FNDC3B: variants seen among roughly 807,000 people sequenced by gnomAD.
FNDC3B encodes the protein fibronectin type III domain-containing protein 3B.
In FNDC3B, 12 loss-of-function variants were observed where a neutral mutation model predicts 151.5. That is an observed-to-expected ratio of 0.08 (90% CI 0.05 to 0.13). FNDC3B has a LOEUF of 0.13. Among genes scored for constraint, FNDC3B ranks in the 10% least tolerant of loss-of-function variants. FNDC3B has a pLI of 1.00. For synonymous variants in FNDC3B, 528 were observed against 549.0 expected (o/e 0.96, Z 0.54); for missense variants, 1,214 against 1,505.3 (o/e 0.81, Z 3.20).
intron 3 of FNDC3B, chr3:172,186,567 A>C (rs1225977519): frequency 3.2e-5 from 19 of 594,850 alleles, no homozygotes; most frequent in Non-Finnish European, 5.3e-5. Flanking sequence ...CCTGGTTTCT[A>C]GTGTCTTGGC....
intron 18 of FNDC3B, among the ~76,000 whole-genome samples, chr3:172,343,646 A>T (rs994102375): frequency 6.6e-6 from 1 of 152,200 alleles, no homozygotes; most frequent in Non-Finnish European, 1.5e-5. Context: ...TACAAGTACA[A>T]ATGTACAGAA....
intron 25 of FNDC3B, among the ~76,000 whole-genome samples, chr3:172,384,230 A>G (rs150075588): frequency 1.4e-3 from 216 of 152,368 alleles, no homozygotes; most frequent in African/African-American, 5.0e-3. Flanking sequence ...TATCCTAAAT[A>G]TGACATCTAC....
At chr3:172,181,798 C>T (rs990245911) in intron 3 of FNDC3B, among the ~76,000 whole-genome samples, 2 of 133,082 alleles carry the variant, frequency 1.5e-5, no homozygotes, top group East Asian at 4.3e-4. Flanking sequence ...CACTGCACTC[C>T]AGCCTGGTGA....
At chr3:172,377,269 C>A (rs939592916) in intron 23 of FNDC3B, among the ~76,000 whole-genome samples, 3 of 152,162 alleles carry the variant, frequency 2.0e-5, no homozygotes, top group Non-Finnish European at 2.9e-5. Flanking sequence ...TGTCTAGGAA[C>A]AAGGCGTTGT....
Position 172,362,830 on chromosome 3 carries a change from A to G in FNDC3B, c.2993A>G (p.Glu998Gly). Residue 998 changes from glutamate (E) to glycine (G), a missense_variant, in exon 23 of 26, where the codon GAG becomes GGG. Glu to Gly is a moderately conservative substitution (Grantham distance 98). Around this residue, in one of 7 missense-constraint regions of FNDC3B, gnomAD observed 284 missense variants for 392.4 expected, o/e 0.72. Coordinates refer to ENST00000415807, the MANE Select transcript of FNDC3B (RefSeq NM_022763.4). ...GACATTGTGTACACACTACAGCTGG[A>G]GGACAGAAACAAGAGGTGAGGTGGG... is the stretch of plus-strand genomic sequence containing the variant. The part of the protein sequence containing the change: ...AEDIVYTLQL[E>G]DRNKRFISIY... 1 of 1,613,454 alleles carries G rather than the reference A, an allele frequency of 6.2e-7. No individual in the cohort carries two copies. The highest frequency in any genetic ancestry group is 1.3e-5 in the African/African-American group (1 of 75,026).
chr3:172,368,142 C>T (rs1383651838), intron 23 of FNDC3B, among the ~76,000 whole-genome samples: 1 of 152,176 alleles, frequency 6.6e-6, no homozygotes, highest in African/African-American at 2.4e-5. Flanking sequence ...CATGGAGGCA[C>T]ACACTAGGTC....
intron 6 of FNDC3B, among the ~76,000 whole-genome samples, chr3:172,261,468 T>C (rs532468342): frequency 4.6e-5 from 7 of 152,352 alleles, no homozygotes; most frequent in African/African-American, 1.7e-4. Context: ...TTATAGTCTA[T>C]ACTACAAATA....
intron 1 of FNDC3B, among the ~76,000 whole-genome samples, chr3:172,084,528 A>G (rs1299250465): frequency 2.1e-5 from 3 of 145,198 alleles, no homozygotes; most frequent in Non-Finnish European, 4.5e-5. Context: ...GGAAAGATTT[A>G]TGAGGCAGTA....
intron 23 of FNDC3B, among the ~76,000 whole-genome samples, chr3:172,367,920 G>T (rs143760470): frequency 0.024 from 3,671 of 152,262 alleles, 64 homozygotes; most frequent in Non-Finnish European, 0.037. Context: ...CAGCCCTTGT[G>T]CCCGGGACAC....
Position 172,381,427 on chromosome 3 carries a change from A to G in FNDC3B, c.3303+334A>G, listed in dbSNP as rs1457945536. Among the ~76,000 whole-genome samples, 6 of 151,968 alleles carry G rather than the reference A, an allele frequency of 3.9e-5. No individual in the cohort carries two copies. The East Asian group carries it at 7.7e-4, about 20-fold the overall frequency. On this transcript the variant is annotated intron_variant, in intron 25 of 25. Coordinates refer to ENST00000415807, the MANE Select transcript of FNDC3B (RefSeq NM_022763.4). The stretch of plus-strand genomic sequence containing the variant: ...AAACTAAAGTGCCTGTGATTTTACT[A>G]TAGAGGGAAGTAGTCTCTTTTTTTG...
chr3:172,125,508 G>T (rs779282525), intron 2 of FNDC3B, among the ~76,000 whole-genome samples: 1 of 152,132 alleles, frequency 6.6e-6, no homozygotes, highest in Non-Finnish European at 1.5e-5. Flanking sequence ...TTCCTCCCCC[G>T]TGGGAGTCTC....
chr3:172,285,277 C>G (rs1729951364), intron 6 of FNDC3B, among the ~76,000 whole-genome samples: 1 of 152,162 alleles, frequency 6.6e-6, no homozygotes, highest in Non-Finnish European at 1.5e-5. Context: ...TAGCCCAGGC[C>G]AGCTCTAGCC....
intron 10 of FNDC3B, among the ~76,000 whole-genome samples, chr3:172,308,947 G>A (rs745800742): frequency 6.6e-6 from 1 of 152,096 alleles, no homozygotes; most frequent in African/African-American, 2.4e-5. Flanking sequence ...GGGATCCCGG[G>A]GTCTTATAAA....
At chr3:172,164,365 T>C (rs1722910996) in intron 3 of FNDC3B, among the ~76,000 whole-genome samples, 3 of 152,350 alleles carry the variant, frequency 2.0e-5, no homozygotes, top group South Asian at 4.1e-4. Flanking sequence ...ATTAAGTATT[T>C]ATCCCTAAGA....
intron 25 of FNDC3B, among the ~76,000 whole-genome samples, chr3:172,391,872 T>C (rs1379875849): frequency 6.6e-6 from 1 of 152,218 alleles, no homozygotes; most frequent in Admixed American, 6.5e-5. Context: ...CATTCTATAC[T>C]TAGGAAATCA....
At chr3:172,388,190 G>T (rs1735817908) in intron 25 of FNDC3B, among the ~76,000 whole-genome samples, 1 of 152,130 alleles carries the variant, frequency 6.6e-6, no homozygotes, top group Non-Finnish European at 1.5e-5. Flanking sequence ...ATGAAGGTAA[G>T]CCTCCAGCAG....
intron 13 of FNDC3B, among the ~76,000 whole-genome samples, chr3:172,332,423 A>G (rs1732730114): frequency 6.6e-6 from 1 of 152,246 alleles, no homozygotes. Flanking sequence ...ACACCATGTG[A>G]CATACATAGC....
chr3:172,317,507 A>T (rs1419478090), intron 11 of FNDC3B, among the ~76,000 whole-genome samples: 1 of 152,050 alleles, frequency 6.6e-6, no homozygotes, highest in African/African-American at 2.4e-5. Context: ...CTAACACATA[A>T]ACATGGGGGA....
At chr3:172,042,262 G>A (rs1716123617) in intron 1 of FNDC3B, among the ~76,000 whole-genome samples, 1 of 152,212 alleles carries the variant, frequency 6.6e-6, no homozygotes, top group African/African-American at 2.4e-5. Flanking sequence ...ATATTGGAGA[G>A]CCAGTCTTCT....
Sources: allele counts gnomAD v4.1 joint callset (sites outside exome capture counted in the v4.1 genomes callset), GRCh38; gene constraint gnomAD v4.1.1; regional missense constraint gnomAD v4.1.1; transcripts MANE v1.5; gene names NCBI Gene and HGNC (gene_info 2026-07-23, HGNC 2026-07-21).